GALNT13: variants seen among roughly 807,000 people sequenced by gnomAD.
GALNT13 encodes the protein UDP-GalNAc:polypeptide N-acetylgalactosaminyltransferase 13.
GALNT13 carries 28 observed loss-of-function variants against 64.2 expected under a neutral mutation model. The ratio of observed to expected loss-of-function variants is 0.44; its 90% CI spans 0.32 to 0.60. GALNT13 has a LOEUF of 0.60. GALNT13 is among the 20% of genes least tolerant of loss of function. The pLI, the probability that GALNT13 is intolerant of heterozygous loss-of-function variation, is 0.05. For missense variants in GALNT13, 577 were observed against 669.8 expected (o/e 0.86, Z 1.53); for synonymous variants, 214 against 224.6 (o/e 0.95, Z 0.42).
intron 3 of GALNT13, among the ~76,000 whole-genome samples, chr2:153,960,659 A>G (rs1005548195): frequency 4.6e-5 from 7 of 152,170 alleles, no homozygotes; most frequent in African/African-American, 1.7e-4. Flanking sequence ...GGCAATGGTA[A>G]ATTGACATTG....
the GALNT13 span, among the ~76,000 whole-genome samples, chr2:153,243,554 A>C: frequency 6.6e-6 from 1 of 152,242 alleles, no homozygotes; most frequent in African/African-American, 2.4e-5. Context: ...TACTGGAGAA[A>C]CAGTTTTAAC....
chr2:153,219,787 G>A, the GALNT13 span, among the ~76,000 whole-genome samples: 1 of 152,228 alleles, frequency 6.6e-6, no homozygotes, highest in Non-Finnish European at 1.5e-5. Context: ...AGACATATCA[G>A]TGTGGGAAAT....
intron 3 of GALNT13, among the ~76,000 whole-genome samples, chr2:154,075,459 C>A (rs912255057): frequency 7.3e-5 from 11 of 151,708 alleles, no homozygotes; most frequent in Admixed American, 4.0e-4. Flanking sequence ...AAAAAAGTAT[C>A]ATTAAATATT....
chr2:153,069,578 A>G, the GALNT13 span, among the ~76,000 whole-genome samples: 1 of 152,178 alleles, frequency 6.6e-6, no homozygotes, highest in Non-Finnish European at 1.5e-5. Flanking sequence ...TATGCCACAG[A>G]GAAAAAGTGA....
At chr2:153,569,822 C>G in the GALNT13 span, among the ~76,000 whole-genome samples, 1 of 152,074 alleles carries the variant, frequency 6.6e-6, no homozygotes, top group Admixed American at 6.6e-5. Flanking sequence ...TAACCTTGCT[C>G]ACTTTTCCAC....
At chr2:153,736,319 G>A in the GALNT13 span, among the ~76,000 whole-genome samples, 3 of 152,242 alleles carry the variant, frequency 2.0e-5, no homozygotes, top group Middle Eastern at 3.4e-3. Flanking sequence ...GCCAATGGGA[G>A]CCCTTCAGGA....
the GALNT13 span, among the ~76,000 whole-genome samples, chr2:153,602,790 T>C: frequency 6.6e-6 from 1 of 151,868 alleles, no homozygotes; most frequent in Non-Finnish European, 1.5e-5. Context: ...AATACATTGC[T>C]CTGGCACCAT....
the GALNT13 span, among the ~76,000 whole-genome samples, chr2:153,846,843 G>T: frequency 6.6e-6 from 1 of 152,116 alleles, no homozygotes; most frequent in Admixed American, 6.5e-5. Context: ...GGCATAATTT[G>T]CATGTCTATA....
chr2:153,913,305 G>T (rs1689105675), intron 2 of GALNT13, among the ~76,000 whole-genome samples: 1 of 152,158 alleles, frequency 6.6e-6, no homozygotes, highest in Non-Finnish European at 1.5e-5. Context: ...GGGGCAGCAT[G>T]CATCCATGTC....
At chr2:153,243,739 A>T in the GALNT13 span, among the ~76,000 whole-genome samples, 2 of 152,204 alleles carry the variant, frequency 1.3e-5, no homozygotes, top group Admixed American at 6.5e-5. Context: ...TTCTGTGGGT[A>T]TGAGCAAGTT....
intron 4 of GALNT13, among the ~76,000 whole-genome samples, chr2:154,199,004 A>G (rs966240361): frequency 2.0e-5 from 3 of 152,070 alleles, no homozygotes; most frequent in African/African-American, 4.8e-5. Flanking sequence ...AAATATATGT[A>G]TATGTTCAAA....
chr2:153,607,569 A>G, the GALNT13 span, among the ~76,000 whole-genome samples: 2 of 152,182 alleles, frequency 1.3e-5, no homozygotes, highest in African/African-American at 4.8e-5. Flanking sequence ...GAATAACACA[A>G]TTATCAATAT....
At chr2:153,649,389 A>G in the GALNT13 span, among the ~76,000 whole-genome samples, 53 of 151,376 alleles carry the variant, frequency 3.5e-4, no homozygotes, top group African/African-American at 1.2e-3. Flanking sequence ...CGGTCTATCA[A>G]TTTTGTTGAT....
the GALNT13 span, among the ~76,000 whole-genome samples, chr2:153,092,736 G>A: frequency 1.5e-4 from 23 of 151,982 alleles, no homozygotes; most frequent in Non-Finnish European, 2.8e-4. Flanking sequence ...TTTTTCTTGT[G>A]GCATCTAGGA....
the GALNT13 span, among the ~76,000 whole-genome samples, chr2:153,736,276 G>T: frequency 4.8e-4 from 73 of 152,140 alleles, no homozygotes; most frequent in Non-Finnish European, 7.4e-5. Flanking sequence ...TGTTGCTACT[G>T]TTATTTTGAT....
chr2:154,044,826 G>A (rs1699198096), intron 3 of GALNT13, among the ~76,000 whole-genome samples: 1 of 152,156 alleles, frequency 6.6e-6, no homozygotes, highest in African/African-American at 2.4e-5. Flanking sequence ...AAGAGATAGT[G>A]AATTAAATGT....
chr2:153,856,384 T>G, the GALNT13 span, among the ~76,000 whole-genome samples: 3 of 152,130 alleles, frequency 2.0e-5, no homozygotes. Flanking sequence ...GTGGAAGATA[T>G]TTTTAACACA....
At chr2:153,510,484 A>G in the GALNT13 span, among the ~76,000 whole-genome samples, 3 of 152,306 alleles carry the variant, frequency 2.0e-5, no homozygotes, top group East Asian at 3.9e-4. Context: ...ACAAACACGT[A>G]TATAAAGCCA....
chr2:153,568,678 C>A, the GALNT13 span, among the ~76,000 whole-genome samples: 1 of 152,116 alleles, frequency 6.6e-6, no homozygotes, highest in Non-Finnish European at 1.5e-5. Context: ...AAGTGTACAG[C>A]TCAATAAATT....
Sources: allele counts gnomAD v4.1 joint callset (sites outside exome capture counted in the v4.1 genomes callset), GRCh38; gene constraint gnomAD v4.1.1; transcripts MANE v1.5; gene names NCBI Gene and HGNC (gene_info 2026-07-23, HGNC 2026-07-21).